MYCBP2: variants seen among roughly 807,000 people sequenced by gnomAD.
The protein encoded by MYCBP2 is MYC binding protein 2.
In MYCBP2, 120 loss-of-function variants were observed where a neutral mutation model predicts 525.3. The ratio of observed to expected loss-of-function variants is 0.23; its 90% confidence interval spans 0.20 to 0.27. MYCBP2 has a LOEUF of 0.27. Ranked by LOEUF, MYCBP2 falls within the 10% of genes least tolerant of loss-of-function variation. The pLI is 1.00. For synonymous variants in MYCBP2, 1,894 were observed against 1,955.8 expected (o/e 0.97, Z 0.83); for missense variants, 4,149 against 5,657.1 (o/e 0.73, Z 8.55).
At chr13:77,089,827 G>GT (rs901462410) in intron 60 of MYCBP2, among the ~76,000 whole-genome samples, 1 of 151,972 alleles carries the variant, frequency 6.6e-6, no homozygotes, top group Admixed American at 6.6e-5. Context: ...GATAATGGTT[G>GT]TAACATTTGG....
intron 77 of MYCBP2, among the ~76,000 whole-genome samples, chr13:77,059,057 C>T (rs553721771): frequency 2.3e-3 from 340 of 150,282 alleles, no homozygotes; most frequent in African/African-American, 8.1e-3. Context: ...CACCAAAATG[C>T]AGATTTTTTT....
intron 17 of MYCBP2, among the ~76,000 whole-genome samples, chr13:77,239,128 A>G (rs1241056076): frequency 6.6e-6 from 1 of 152,224 alleles, no homozygotes. Context: ...TCAAAAAAAA[A>G]GAACTAGAGC....
intron 46 of MYCBP2, among the ~76,000 whole-genome samples, chr13:77,155,110 A>G (rs1434528247): frequency 1.3e-5 from 2 of 152,090 alleles, no homozygotes; most frequent in Non-Finnish European, 2.9e-5. Flanking sequence ...CTGCTAAAAG[A>G]CTGATTTTGA....
intron 17 of MYCBP2, among the ~76,000 whole-genome samples, chr13:77,234,364 C>A (rs1037986713): frequency 2.6e-5 from 4 of 151,828 alleles, no homozygotes; most frequent in Admixed American, 6.6e-5. Context: ...CTCTATTGAT[C>A]TTCAGTTTAA....
intron 15 of MYCBP2, 68 bp downstream of exon 15, chr13:77,251,083 A>T (rs2071129694): frequency 6.9e-7 from 1 of 1,458,474 alleles, no homozygotes. Flanking sequence ...AGTAGAGTAT[A>T]CTCCGGAATG....
intron 68 of MYCBP2, among the ~76,000 whole-genome samples, chr13:77,074,611 T>C (rs2041971361): frequency 6.6e-6 from 1 of 152,052 alleles, no homozygotes; most frequent in African/African-American, 2.4e-5. Flanking sequence ...AACCCAAATA[T>C]CCATCAAAAA....
intron 40 of MYCBP2, among the ~76,000 whole-genome samples, 175 bp from the exon 41 acceptor site, chr13:77,166,729 A>G (rs141477685): frequency 6.6e-6 from 1 of 152,312 alleles, no homozygotes; most frequent in East Asian, 1.9e-4. Flanking sequence ...AACAGAGTAA[A>G]GAGGACAGAG....
chr13:77,081,285 A>G lies in MYCBP2; in HGVS notation c.11418+142T>C, dbSNP rs1482372186. ...ATATTAATTTGTTTTTAGACTTAAG[A>G]TTTATTTGGGGATTATAGCAATGAT... On this transcript the variant is annotated intron_variant, in intron 65 of 82. Coordinates refer to ENST00000544440, the MANE Select transcript of MYCBP2 (RefSeq NM_015057.5). The surrounding 1 kb of genome is among the most constrained non-coding windows in gnomAD (Gnocchi z 4.6). 4.2e-6 allele frequency: 3 copies of G among 716,448 alleles called. No individual in the cohort carries two copies. The highest frequency in any genetic ancestry group is 7.0e-6 in the Non-Finnish European group (3 of 427,398). The allele number at this position is 716,448 out of a possible 1,614,324, so 44.4% of individuals were successfully genotyped here.
At chr13:77,245,795 A>C (rs991266986) in intron 15 of MYCBP2, among the ~76,000 whole-genome samples, 24 of 150,312 alleles carry the variant, frequency 1.6e-4, no homozygotes, top group Non-Finnish European at 2.7e-4. Context: ...AGGAAATAAA[A>C]ACATTCACAC....
chr13:77,260,018 T>C (rs1038155339), intron 13 of MYCBP2, among the ~76,000 whole-genome samples: 9 of 152,182 alleles, frequency 5.9e-5, no homozygotes, highest in African/African-American at 1.4e-4. Flanking sequence ...GGGGATAGAA[T>C]AGTAAATAAG....
Position 77,278,797 on chromosome 13 carries a change from G to T in MYCBP2, c.709C>A (p.Gln237Lys). Residue 237 changes from glutamine (Q) to lysine (K), a missense_variant, in exon 4 of 83, where the codon CAG (glutamine) becomes AAG (lysine). Gln to Lys is a moderately conservative substitution (Grantham distance 53). Coordinates refer to ENST00000544440, the MANE Select transcript of MYCBP2 (RefSeq NM_015057.5). ...QALLNVLQGQQPEGLQSEPPE... is the reference protein window; with the variant it reads ...QALLNVLQGQKPEGLQSEPPE... Reference sequence around the variant, plus strand: ...GGCTCAGACTGGAGGCCTTCTGGCTGCTGGCCCTGCAGCACGTTGAGCAGG... The same window carrying T: ...GGCTCAGACTGGAGGCCTTCTGGCTTCTGGCCCTGCAGCACGTTGAGCAGG... 6.3e-7 allele frequency: 1 copy of T among 1,584,978 alleles called. No homozygotes were observed. Among genetic ancestry groups the T allele is most frequent in the African/African-American group, 1.4e-5 (1 of 73,500 alleles).
chr13:77,108,373 A>G (rs7991286), intron 55 of MYCBP2, among the ~76,000 whole-genome samples: 15,346 of 152,252 alleles, frequency 0.1, 822 homozygotes, highest in Admixed American at 0.14. Flanking sequence ...TTCTGAGCAT[A>G]ATTTGATGGG....
chr13:77,165,212 A>G, intron 42 of MYCBP2, 61 bp downstream of exon 42: 1 of 1,413,114 alleles, frequency 7.1e-7, no homozygotes, highest in Non-Finnish European at 9.9e-7. Flanking sequence ...TAGAAGCACA[A>G]CTCACTAGCC....
At chr13:77,278,722 T>C in intron 4 of MYCBP2, 36 bp downstream of exon 4, 1 of 1,442,742 alleles carries the variant, frequency 6.9e-7, no homozygotes, top group Non-Finnish European at 9.1e-7. Flanking sequence ...TTATATTCAC[T>C]TTTAAATGCT....
intron 17 of MYCBP2, among the ~76,000 whole-genome samples, chr13:77,240,660 T>C (rs1446491169): frequency 1.3e-5 from 2 of 152,086 alleles, no homozygotes; most frequent in African/African-American, 4.8e-5. Flanking sequence ...AGGCATCACT[T>C]TGCATAGTGC....
intron 80 of MYCBP2, among the ~76,000 whole-genome samples, chr13:77,053,632 T>G (rs1407732819): frequency 6.6e-6 from 1 of 152,210 alleles, no homozygotes; most frequent in African/African-American, 2.4e-5. Flanking sequence ...AGCACAATAT[T>G]CATTTATAAT....
Position 77,326,625 on chromosome 13 carries a change from G to A in MYCBP2, c.151C>T (p.Leu51=), listed in dbSNP as rs2154386457. ...TCCGCGGCGGGTAGCCCCAGCCCCA[G>A]CCCCGCAGCAGCCACGGAGCCGTCG... The part of the protein sequence containing the change: ...VPDGSVAAAG[L]GLGLPAADSR... Residue 51 remains leucine, a synonymous_variant, in exon 1 of 83, where the codon CTG becomes TTG. Coordinates refer to ENST00000544440, the MANE Select transcript of MYCBP2 (RefSeq NM_015057.5). The surrounding 1 kb of genome is among the most constrained non-coding windows in gnomAD (Gnocchi z 4.2). 2 of 1,561,548 alleles carry A rather than the reference G, an allele frequency of 1.3e-6. No homozygotes were observed. The highest frequency in any genetic ancestry group is 2.5e-5 in the East Asian group (1 of 39,878).
Position 77,237,917 on chromosome 13 carries a change from A to G in MYCBP2, c.2630-4654T>C, listed in dbSNP as rs376545668. Among the ~76,000 whole-genome samples the G allele has an allele frequency of 2.0e-5, 3 of 152,336 alleles. No homozygotes were observed. In the East Asian group the frequency reaches 5.8e-4, roughly 29 times the overall value. Reference sequence around the variant, plus strand: ...AATATTGGATTTGATGCGTCAAATCAAGAAAACCATAATGGTTTTAAGGGC... The same window carrying G: ...AATATTGGATTTGATGCGTCAAATCGAGAAAACCATAATGGTTTTAAGGGC... On this transcript the variant is annotated intron_variant, in intron 17 of 82. Transcript: ENST00000544440.
At chr13:77,244,514 T>G (rs960203065) in intron 15 of MYCBP2, among the ~76,000 whole-genome samples, 2 of 152,096 alleles carry the variant, frequency 1.3e-5, no homozygotes, top group African/African-American at 4.8e-5. Flanking sequence ...AAAAATTAAT[T>G]CAAGATGGAT....
Sources: allele counts gnomAD v4.1 joint callset (sites outside exome capture counted in the v4.1 genomes callset), GRCh38; gene constraint gnomAD v4.1.1; non-coding constraint Gnocchi (gnomAD v3.1); transcripts MANE v1.5; gene names NCBI Gene and HGNC (gene_info 2026-07-23, HGNC 2026-07-21).